The following ZNF71 variants were observed in gnomAD, a reference collection of about 807,000 sequenced individuals.
ZNF71 encodes zinc finger protein 71.
A neutral mutation model predicts 6.7 loss-of-function variants in ZNF71; 3 were observed. The ratio of observed to expected loss-of-function variants is 0.45; its 90% CI spans 0.20 to 1.16. ZNF71 has a LOEUF of 1.16. Among genes scored for constraint, ZNF71 ranks in the 50% most tolerant of loss-of-function variants. The pLI is 0.25. For missense variants in ZNF71, 688 were observed against 728.6 expected (o/e 0.94, Z 0.64); for synonymous variants, 343 against 311.1 (o/e 1.10, Z -1.08).
At position 56,622,145 on chromosome 19, in the gene ZNF71, C is replaced by A. The variant is rs779093808; in HGVS notation, c.1038C>A (p.Thr346=). The change falls in exon 4 of 4, where the codon ACC becomes ACA. Residue 346 remains threonine, a synonymous_variant. Transcript: ENST00000599599. ...CCTTCAGCCAGAACATGCACCTGAC[C>A]GAGCACCAGCGCACGCACACCGGGG... is the stretch of plus-strand genomic sequence containing the variant. ...GRAFSQNMHL[T]EHQRTHTGEK... 1.9e-6 allele frequency: 3 copies of A among 1,612,016 alleles called. No individual in the cohort carries two copies. The East Asian group carries it at 6.7e-5, about 36-fold the overall frequency.
chr19:56,613,993 A>G lies in ZNF71; in HGVS notation c.160+55A>G, dbSNP rs965435176. ...CATTGGCCCATAACTTCAGGACCACAAATAAATTAAAAAAAAAAAAAGATC... is the reference window on the plus strand; with the variant it reads ...CATTGGCCCATAACTTCAGGACCACGAATAAATTAAAAAAAAAAAAAGATC... On this transcript the variant is annotated intron_variant, in intron 3 of 3. Transcript: ENST00000599599. The surrounding 1 kb of genome is among the most constrained non-coding windows in gnomAD (Gnocchi z 4.6). The G allele has an allele frequency of 4.8e-6, 5 of 1,034,294 alleles. No individual in the cohort carries two copies. The highest frequency in any genetic ancestry group is 4.7e-6 in the Non-Finnish European group (4 of 845,806). 64.1% of individuals were successfully genotyped at this position (1,034,294 alleles called of 1,614,324 possible). A position where few individuals can be genotyped will look rare whatever the true frequency, so the allele number is the denominator to read the frequency against.
chr19:56,609,543 T>C (rs2044734028), intron 2 of ZNF71, among the ~76,000 whole-genome samples: 1 of 152,002 alleles, frequency 6.6e-6, no homozygotes, highest in Non-Finnish European at 1.5e-5. Context: ...GCATACGATA[T>C]GGATTTTGCC....
rs182084456 is a variant in ZNF71 at position 56,614,345 on chromosome 19, C to T, written c.160+407C>T. ...CAAAGATGAAAAAAGAATAATAGCC[C>T]ATATTATGAGGCTGTAGAGGAAAGG... On this transcript the variant is annotated intron_variant, in intron 3 of 3. Coordinates refer to ENST00000599599, the MANE Select transcript of ZNF71 (RefSeq NM_001370215.1). Among the ~76,000 whole-genome samples, 3 of 152,256 alleles carry T rather than the reference C, an allele frequency of 2.0e-5. No homozygotes were observed. The East Asian group carries it at 5.8e-4, about 29-fold the overall frequency.
intron 3 of ZNF71, among the ~76,000 whole-genome samples, chr19:56,620,765 A>G (rs2044838350): frequency 6.6e-6 from 1 of 152,222 alleles, no homozygotes; most frequent in African/African-American, 2.4e-5. Flanking sequence ...GCTGGTCTCA[A>G]GCAATCCTTG....
Position 56,624,295 on chromosome 19 carries a change from A to G in ZNF71, c.*1538A>G, listed in dbSNP as rs2044891620. On this transcript the variant is annotated 3_prime_UTR_variant, in exon 4 of 4. Coordinates refer to ENST00000599599, the MANE Select transcript of ZNF71 (RefSeq NM_001370215.1). The stretch of plus-strand genomic sequence containing the variant: ...TCAAGTGGGCCTCAGGGTGGGTTTG[A>G]TTCAGGCTCTCATCATTGGAGCCAT... 6.6e-6 allele frequency: 1 copy of G among 152,364 alleles called. No individual in the cohort carries two copies. The highest frequency in any genetic ancestry group is 2.1e-4 in the South Asian group (1 of 4,830). 9.4% of individuals were successfully genotyped at this position (152,364 alleles called of 1,614,324 possible). A position where few individuals can be genotyped will look rare whatever the true frequency, so the allele number is the denominator to read the frequency against.
chr19:56,606,916 G>A (rs1292768606), intron 2 of ZNF71, among the ~76,000 whole-genome samples: 1 of 152,126 alleles, frequency 6.6e-6, no homozygotes, highest in Admixed American at 6.5e-5. Flanking sequence ...ATTCAAGGAT[G>A]GGGGAACTAG....
chr19:56,596,163 T>C (rs1041461422), intron 1 of ZNF71, among the ~76,000 whole-genome samples: 1 of 151,932 alleles, frequency 6.6e-6, no homozygotes, highest in Non-Finnish European at 1.5e-5. Flanking sequence ...TGTGGGAGGG[T>C]GCCCTCTGGG....
chr19:56,611,841 G>C (rs962542583), intron 2 of ZNF71, among the ~76,000 whole-genome samples: 1 of 152,188 alleles, frequency 6.6e-6, no homozygotes, highest in Non-Finnish European at 1.5e-5. Flanking sequence ...CCCTCTGAAG[G>C]CTCAAGGGAA....
At chr19:56,617,130 T>TTTTTTTTTTTA (rs1172399730) in intron 3 of ZNF71, among the ~76,000 whole-genome samples, 4 of 151,176 alleles carry the variant, frequency 2.6e-5, no homozygotes, top group Admixed American at 6.6e-5. Context: ...TTGTTTTTTT[T>TTTTTTTTTTTA]GAGACAGTCT....
rs1183350146 is a variant in ZNF71, at chr19:56,608,314, T to C, written c.34-5498T>C. On this transcript the variant is annotated intron_variant, in intron 2 of 3. Coordinates refer to ENST00000599599, the MANE Select transcript of ZNF71 (RefSeq NM_001370215.1). ...CCCCTCCGCCCCTGGCAGCTGCCAT[T>C]CCACAAGTCTCTATAAATTTGACTT... 3.9e-5 allele frequency among the ~76,000 whole-genome samples: 6 copies of C among 152,278 alleles called. No homozygotes were observed. The East Asian group carries it at 1.2e-3, about 29-fold the overall frequency.
chr19:56,617,107 C>CTTTTGT (rs1555776005), intron 3 of ZNF71, among the ~76,000 whole-genome samples: 3 of 117,096 alleles, frequency 2.6e-5, no homozygotes, highest in Non-Finnish European at 5.2e-5. Context: ...CTTCCATTTT[C>CTTTTGT]TTTTGTTTTT....
In ZNF71 at chr19:56,598,897, C is replaced by T. The variant is rs918592106; in HGVS notation, c.-52-2610C>T. Among the ~76,000 whole-genome samples, 1 of 152,154 alleles carries T rather than the reference C, an allele frequency of 6.6e-6. No individual in the cohort carries two copies. Among genetic ancestry groups the T allele is most frequent in the Admixed American group, 6.5e-5 (1 of 15,278 alleles). On this transcript the variant is annotated intron_variant, in intron 1 of 3. Coordinates refer to ENST00000599599, the MANE Select transcript of ZNF71 (RefSeq NM_001370215.1). This position sits in a 1 kb window ranked among gnomAD's most constrained non-coding sequence, Gnocchi z 4.2. ...CTCTTCTTTGTCTTAGTGGTTCTTACGCTTTAAGACGTGTCAGAATCACCT... is the reference window on the plus strand; with the variant it reads ...CTCTTCTTTGTCTTAGTGGTTCTTATGCTTTAAGACGTGTCAGAATCACCT...
chr19:56,595,587 T>TGAGGAGAGGCC (rs2044613701), intron 1 of ZNF71, among the ~76,000 whole-genome samples, 159 bp downstream of exon 1: 1 of 151,756 alleles, frequency 6.6e-6, no homozygotes, highest in African/African-American at 2.4e-5. Context: ...GCTGAGGGGC[T>TGAGGAGAGGCC]GAGGAGAGGC....
chr19:56,610,692 A>G (rs1176626982), intron 2 of ZNF71: 1 of 152,264 alleles, frequency 6.6e-6, no homozygotes, highest in Non-Finnish European at 1.5e-5. Flanking sequence ...ATGCCACTCC[A>G]TAGACATTGT....
rs1305228017 is a variant in ZNF71 at position 56,613,710 on chromosome 19, A to T, written c.34-102A>T. 1 of 956,156 alleles carries T rather than the reference A, an allele frequency of 1.0e-6. No individual in the cohort carries two copies. The highest frequency in any genetic ancestry group is 5.6e-5 in the Admixed American group (1 of 17,926). 59.2% of individuals were successfully genotyped at this position (956,156 alleles called of 1,614,324 possible). Reference sequence around the variant, plus strand: ...ATCTTATTGAAATCACTTCAGCTACATCCCATCTGCCTCCCCTAAATCCTC... The same window carrying T: ...ATCTTATTGAAATCACTTCAGCTACTTCCCATCTGCCTCCCCTAAATCCTC... On this transcript the variant is annotated intron_variant, in intron 2 of 3. Transcript: ENST00000599599. The surrounding 1 kb of genome is among the most constrained non-coding windows in gnomAD (Gnocchi z 4.6).
intron 2 of ZNF71, among the ~76,000 whole-genome samples, chr19:56,611,705 G>A (rs189638831): frequency 4.6e-5 from 7 of 152,264 alleles, no homozygotes; most frequent in Admixed American, 3.9e-4. Flanking sequence ...GTGCCAGCAC[G>A]GTATCTATTT....
chr19:56,599,727 T>A (rs997635654), intron 1 of ZNF71, among the ~76,000 whole-genome samples: 11 of 149,914 alleles, frequency 7.3e-5, no homozygotes, highest in Non-Finnish European at 1.5e-4. Context: ...GGAGTCTCGC[T>A]CTGTCACCCA....
Position 56,603,161 on chromosome 19 carries a change from A to C in ZNF71, c.33+1570A>C, listed in dbSNP as rs2044684274. Among the ~76,000 whole-genome samples the C allele has an allele frequency of 6.6e-6, 1 of 152,162 alleles. No individual in the cohort carries two copies. Among genetic ancestry groups the C allele is most frequent in the Admixed American group, 6.5e-5 (1 of 15,276 alleles). Reference sequence around the variant, plus strand: ...GTCGCGTTAACCATCACCACAGTCCATTTCAGAATATTTTCATCATCCTGA... The same window carrying C: ...GTCGCGTTAACCATCACCACAGTCCCTTTCAGAATATTTTCATCATCCTGA... On this transcript the variant is annotated intron_variant, in intron 2 of 3. Transcript: ENST00000599599. This position sits in a 1 kb window ranked among gnomAD's most constrained non-coding sequence, Gnocchi z 4.6.
chr19:56,612,472 C>G lies in ZNF71; in HGVS notation c.34-1340C>G, dbSNP rs144727935. On this transcript the variant is annotated intron_variant, in intron 2 of 3. Transcript: ENST00000599599. ...AAAAATAATGAAATAATGTCTTTTA[C>G]AGCAACTTAGATGGAACTAGAGGCC... Among the ~76,000 whole-genome samples, 80 of 152,232 alleles carry G rather than the reference C, an allele frequency of 5.3e-4. 1 individual carries two copies. The highest frequency in any genetic ancestry group is 1.9e-3 in the African/African-American group (79 of 41,528).
Sources: gnomAD v4.1 joint callset for allele counts (sites outside exome capture counted in the v4.1 genomes callset) on GRCh38, gnomAD v4.1.1 for gene constraint, Gnocchi (gnomAD v3.1) non-coding constraint, MANE v1.5 for transcripts, NCBI Gene and HGNC (gene_info 2026-07-23, HGNC 2026-07-21) for gene names.